IFT25: variants seen among roughly 807,000 people sequenced by gnomAD.
IFT25 encodes intraflagellar transport 25, also known as intraflagellar transport protein 25 homolog.
At chr1:53,943,161 C>T in the IFT25 span, among the ~76,000 whole-genome samples, 3 of 151,972 alleles carry the variant, frequency 2.0e-5, no homozygotes, top group East Asian at 1.9e-4. Flanking sequence ...CAAGGACTTT[C>T]GTTCAAAGTA....
chr1:53,944,997 T>C, the IFT25 span, among the ~76,000 whole-genome samples: 25 of 152,252 alleles, frequency 1.6e-4, no homozygotes, highest in African/African-American at 5.5e-4. Flanking sequence ...GCATCATCCA[T>C]TGGGAACGTG....
At chr1:53,921,676 G>A in the IFT25 span, 1 of 1,607,514 alleles carries the variant, frequency 6.2e-7, no homozygotes, top group Non-Finnish European at 8.5e-7. Flanking sequence ...TGAGACTACT[G>A]TTCCTTCTGC....
the IFT25 span, among the ~76,000 whole-genome samples, chr1:53,941,397 A>G: frequency 2.6e-4 from 39 of 152,352 alleles, no homozygotes; most frequent in Admixed American, 2.5e-3. Flanking sequence ...GCCAATATCA[A>G]TATTTTATAA....
At chr1:53,923,399 C>G in the IFT25 span, 1 of 153,508 alleles carries the variant, frequency 6.5e-6, no homozygotes, top group Non-Finnish European at 1.4e-5. Context: ...CATCAACGGG[C>G]ATTCATTTCA....
the IFT25 span, chr1:53,921,639 A>AT: frequency 6.9e-7 from 1 of 1,454,760 alleles, no homozygotes; most frequent in Non-Finnish European, 9.7e-7. Flanking sequence ...ATGCAAGAGC[A>AT]TTTTGTTATC....
the IFT25 span, among the ~76,000 whole-genome samples, chr1:53,934,406 A>G: frequency 1.3e-5 from 2 of 152,260 alleles, no homozygotes; most frequent in Non-Finnish European, 2.9e-5. Context: ...TCTGTATATA[A>G]TAGTTTTTAT....
chr1:53,927,992 G>A, the IFT25 span, among the ~76,000 whole-genome samples: 2 of 152,152 alleles, frequency 1.3e-5, no homozygotes, highest in Admixed American at 1.3e-4. Context: ...GTTTAATTAA[G>A]TAGAGGCTAT....
At chr1:53,912,669 G>A in the IFT25 span, among the ~76,000 whole-genome samples, 1 of 152,226 alleles carries the variant, frequency 6.6e-6, no homozygotes, top group Non-Finnish European at 1.5e-5. Context: ...AGAACTACAA[G>A]GGCAAAGGTG....
the IFT25 span, among the ~76,000 whole-genome samples, chr1:53,924,552 G>A: frequency 6.6e-6 from 1 of 152,150 alleles, no homozygotes; most frequent in Non-Finnish European, 1.5e-5. Context: ...GGTAGCTAAT[G>A]ACAGCCGGGC....
At chr1:53,938,023 G>A in the IFT25 span, among the ~76,000 whole-genome samples, 9 of 152,210 alleles carry the variant, frequency 5.9e-5, 1 homozygote, top group Admixed American at 5.2e-4. Flanking sequence ...TAGAAGACAC[G>A]AGTGTCAGTT....
chr1:53,924,822 G>A, the IFT25 span, among the ~76,000 whole-genome samples: 1 of 152,094 alleles, frequency 6.6e-6, no homozygotes, highest in South Asian at 2.1e-4. Context: ...GGGTGACAGG[G>A]CAAGACTCCA....
the IFT25 span, among the ~76,000 whole-genome samples, chr1:53,911,614 A>C: frequency 6.6e-6 from 1 of 152,132 alleles, no homozygotes; most frequent in African/African-American, 2.4e-5. Flanking sequence ...TATATATCTC[A>C]AAGAGGAGAT....
chr1:53,924,860 A>T, the IFT25 span, among the ~76,000 whole-genome samples: 1 of 152,192 alleles, frequency 6.6e-6, no homozygotes, highest in South Asian at 2.1e-4. Context: ...AACAAAAAAG[A>T]TAGCTAATGA....
chr1:53,939,083 A>C, the IFT25 span, among the ~76,000 whole-genome samples: 3 of 145,570 alleles, frequency 2.1e-5, no homozygotes, highest in Non-Finnish European at 4.6e-5. Flanking sequence ...TCAAAAAAAA[A>C]AAAAAAAAAA....
At chr1:53,935,015 A>G in the IFT25 span, among the ~76,000 whole-genome samples, 1 of 152,146 alleles carries the variant, frequency 6.6e-6, no homozygotes, top group South Asian at 2.1e-4. Flanking sequence ...ACAAAAAACG[A>G]AAGAAAGAAA....
chr1:53,940,765 A>G, the IFT25 span, among the ~76,000 whole-genome samples: 2 of 152,048 alleles, frequency 1.3e-5, no homozygotes, highest in Non-Finnish European at 2.9e-5. Flanking sequence ...GCTGGAGTGC[A>G]GTGGAGCAAT....
chr1:53,921,422 C>G, the IFT25 span: 1 of 430,182 alleles, frequency 2.3e-6, no homozygotes, highest in Non-Finnish European at 4.2e-6. Flanking sequence ...TTTTCATGTG[C>G]AGTCACTTCC....
At chr1:53,933,851 C>CT in the IFT25 span, among the ~76,000 whole-genome samples, 1 of 151,692 alleles carries the variant, frequency 6.6e-6, no homozygotes, top group African/African-American at 2.4e-5. Flanking sequence ...TTTAATTCCT[C>CT]TATTTTTTTT....
At chr1:53,938,858 T>C in the IFT25 span, among the ~76,000 whole-genome samples, 7 of 152,162 alleles carry the variant, frequency 4.6e-5, no homozygotes, top group African/African-American at 1.7e-4. Flanking sequence ...GCGAATCACC[T>C]GAGGTCGGGA....
Sources: gnomAD v4.1 joint callset for allele counts (sites outside exome capture counted in the v4.1 genomes callset) on GRCh38, gnomAD v4.1.1 for gene constraint, MANE v1.5 for transcripts, NCBI Gene and HGNC (gene_info 2026-07-23, HGNC 2026-07-21) for gene names.